The following DTNA variants were observed in gnomAD, a reference collection of about 807,000 sequenced individuals.
The protein encoded by DTNA is dystrophin-related protein 3.
DTNA carries 43 observed loss-of-function variants against 100.7 expected under a neutral mutation model. That is an observed-to-expected ratio of 0.43 (90% CI 0.33 to 0.55). The LOEUF is 0.55. Among genes scored for constraint, DTNA ranks in the 20% least tolerant of loss-of-function variants. DTNA has a pLI of 0.04. For synonymous variants in DTNA, 349 were observed against 347.9 expected (o/e 1.00, Z -0.04); for missense variants, 798 against 953.9 (o/e 0.84, Z 2.15).
At chr18:34,718,149 T>TA (rs2084444159) in intron 1 of DTNA, among the ~76,000 whole-genome samples, 1 of 152,208 alleles carries the variant, frequency 6.6e-6, no homozygotes, top group South Asian at 2.1e-4. Context: ...GAGCGTATCT[T>TA]ACAATATGCA....
In DTNA at chr18:34,689,220, C is replaced by T. The variant is rs1017007731; in HGVS notation, c.-1-66756C>T. 3.3e-5 allele frequency among the ~76,000 whole-genome samples: 5 copies of T among 152,168 alleles called. No individual in the cohort carries two copies. In the South Asian group the frequency reaches 8.3e-4, roughly 25 times the overall value. On this transcript the variant is annotated intron_variant, in intron 1 of 19. Transcript: ENST00000283365. ...GAATTGTGATCCTTTGGAGAAGAGG[C>T]GTTCTGCTTTTTGGAATTTTCAGCC...
At chr18:34,877,502 T>A (rs977558808) in intron 18 of DTNA, among the ~76,000 whole-genome samples, 2 of 152,196 alleles carry the variant, frequency 1.3e-5, no homozygotes, top group African/African-American at 4.8e-5. Flanking sequence ...AACTCCATCA[T>A]TAGCCATGTC....
chr18:34,737,393 T>G (rs1257505533), intron 1 of DTNA, among the ~76,000 whole-genome samples: 2 of 152,212 alleles, frequency 1.3e-5, no homozygotes, highest in Non-Finnish European at 2.9e-5. Context: ...GTCTGGTTCT[T>G]GCCACATTTT....
chr18:34,532,989 T>G (rs940580452), intron 1 of DTNA, among the ~76,000 whole-genome samples: 3 of 151,986 alleles, frequency 2.0e-5, no homozygotes, highest in African/African-American at 7.2e-5. Context: ...AGTGCCATAA[T>G]GCGAGAATGC....
At chr18:34,549,358 A>G (rs1260445643) in intron 1 of DTNA, among the ~76,000 whole-genome samples, 1 of 152,142 alleles carries the variant, frequency 6.6e-6, no homozygotes, top group Non-Finnish European at 1.5e-5. Context: ...TTCAGCGTTT[A>G]GAGTATTGAA....
At chr18:34,509,483 C>T (rs972143084) in intron 1 of DTNA, among the ~76,000 whole-genome samples, 1 of 152,048 alleles carries the variant, frequency 6.6e-6, no homozygotes. Context: ...CAGATAAATT[C>T]TGCCTCCTCC....
chr18:34,723,630 G>A (rs2085884255), intron 1 of DTNA, among the ~76,000 whole-genome samples: 1 of 152,206 alleles, frequency 6.6e-6, no homozygotes, highest in Non-Finnish European at 1.5e-5. Flanking sequence ...CAGGCACGGT[G>A]GCTCAGGCCT....
intron 1 of DTNA, among the ~76,000 whole-genome samples, chr18:34,605,556 C>T (rs2052873987): frequency 6.6e-6 from 1 of 151,816 alleles, no homozygotes; most frequent in Non-Finnish European, 1.5e-5. Context: ...GTGCTGCTGC[C>T]TGGCTTAGTT....
At chr18:34,707,009 A>T (rs919329942), upstream of DTNA, among the ~76,000 whole-genome samples, 1 of 152,238 alleles carries the variant, frequency 6.6e-6, no homozygotes, top group Non-Finnish European at 1.5e-5. Flanking sequence ...AAAATAAATA[A>T]TAATTTTTAA....
At chr18:34,849,908 A>T (rs2096451236) in intron 14 of DTNA, among the ~76,000 whole-genome samples, 1 of 152,164 alleles carries the variant, frequency 6.6e-6, no homozygotes, top group African/African-American at 2.4e-5. Context: ...TGCATTAGTG[A>T]TCCCTGGCAG....
chr18:34,829,127 C>G, intron 10 of DTNA: 1 of 1,614,012 alleles, frequency 6.2e-7, no homozygotes. Context: ...TTGAGCTGTT[C>G]TGGTTCCTCC....
At chr18:34,805,472 G>A (rs1314387012) in intron 4 of DTNA, among the ~76,000 whole-genome samples, 1 of 151,988 alleles carries the variant, frequency 6.6e-6, no homozygotes, top group African/African-American at 2.4e-5. Context: ...TTACAGACGT[G>A]CACCACCACA....
At chr18:34,816,086 A>G in intron 7 of DTNA, 72 bp downstream of exon 7, 1 of 1,460,456 alleles carries the variant, frequency 6.8e-7, no homozygotes, top group Non-Finnish European at 9.6e-7. Context: ...TACAGTTAGT[A>G]AGCCCAGGCT....
At chr18:34,839,042 A>G (rs1568719980) in intron 13 of DTNA, among the ~76,000 whole-genome samples, 1 of 152,192 alleles carries the variant, frequency 6.6e-6, no homozygotes, top group African/African-American at 2.4e-5. Context: ...TTGTTTATAT[A>G]TTAGCTAAAA....
chr18:34,560,513 G>A (rs909242205), intron 1 of DTNA, among the ~76,000 whole-genome samples: 1 of 152,120 alleles, frequency 6.6e-6, no homozygotes, highest in Admixed American at 6.5e-5. Flanking sequence ...CAATTATTTT[G>A]ATGTTCATTG....
upstream of DTNA, among the ~76,000 whole-genome samples, chr18:34,706,004 G>C (rs946766652): frequency 1.3e-5 from 2 of 152,128 alleles, no homozygotes; most frequent in Non-Finnish European, 2.9e-5. Flanking sequence ...CTAGAGTGTA[G>C]TGGCGTGATC....
At chr18:34,583,219 T>A (rs1445810429) in intron 1 of DTNA, among the ~76,000 whole-genome samples, 1 of 152,224 alleles carries the variant, frequency 6.6e-6, no homozygotes, top group African/African-American at 2.4e-5. Context: ...AATGTTGTAC[T>A]TCACTATGTC....
At chr18:34,537,332 A>G (rs552206291) in intron 1 of DTNA, among the ~76,000 whole-genome samples, 1 of 152,110 alleles carries the variant, frequency 6.6e-6, no homozygotes, top group South Asian at 2.1e-4. Flanking sequence ...TAGCAAACGT[A>G]ACAATCTACA....
chr18:34,802,825 A>G (rs2095258904), intron 4 of DTNA, among the ~76,000 whole-genome samples: 1 of 152,126 alleles, frequency 6.6e-6, no homozygotes, highest in Non-Finnish European at 1.5e-5. Flanking sequence ...TTTCATCACA[A>G]ATTTTTTTCA....
Sources: gnomAD v4.1 joint callset for allele counts (sites outside exome capture counted in the v4.1 genomes callset) on GRCh38, gnomAD v4.1.1 for gene constraint, MANE v1.5 for transcripts, NCBI Gene and HGNC (gene_info 2026-07-23, HGNC 2026-07-21) for gene names.